BTBD1: variants seen among roughly 807,000 people sequenced by gnomAD.
BTBD1 encodes BTB/POZ domain-containing protein 1.
Under a neutral mutation model 48.0 loss-of-function variants are expected in BTBD1, and 34 were observed. The observed-to-expected ratio is 0.71, with a 90% confidence interval of 0.54 to 0.94. BTBD1 has a LOEUF of 0.94. Among genes scored for constraint, BTBD1 ranks in the 40% least tolerant of loss-of-function variants. The pLI, the probability that BTBD1 is intolerant of heterozygous loss-of-function variation, is 0.00. For synonymous variants in BTBD1, 261 were observed against 242.1 expected (o/e 1.08, Z -0.72); for missense variants, 543 against 625.6 (o/e 0.87, Z 1.41).
At chr15:83,054,563 CTTT>C (rs1178762435) in intron 2 of BTBD1, among the ~76,000 whole-genome samples, 5 of 130,414 alleles carry the variant, frequency 3.8e-5, no homozygotes, top group Non-Finnish European at 4.9e-5. Context: ...AACATTTTTT[CTTT>C]TTTTTTTTTT....
Position 83,061,479 on chromosome 15 carries a change from T to G in BTBD1, c.402-4934A>C, listed in dbSNP as rs112123989. 1.2e-3 allele frequency: 187 copies of G among 152,342 alleles called. 1 individual carries two copies. Among genetic ancestry groups the G allele is most frequent in the African/African-American group, 4.3e-3 (177 of 41,570 alleles). 9.4% of individuals were successfully genotyped at this position (152,342 alleles called of 1,614,324 possible). A position where few individuals can be genotyped will look rare whatever the true frequency, so the allele number is the denominator to read the frequency against. On this transcript the variant is annotated intron_variant, in intron 1 of 7. Transcript: ENST00000261721. ...ATCATACTTTCTTGTGTTCATGTCC[T>G]TACATAGATCTGTCCCATGATGAAT...
intron 5 of BTBD1, 66 bp from the exon 6 acceptor site, chr15:83,020,828 AT>A (rs1376615422): frequency 9.4e-5 from 98 of 1,041,908 alleles, no homozygotes; most frequent in East Asian, 1.5e-4. Flanking sequence ...AAGGGTTATA[AT>A]TTTTTTTAAG....
chr15:83,067,212 C>T lies in BTBD1; in HGVS notation c.-61G>A, dbSNP rs2033302312. On this transcript the variant is annotated 5_prime_UTR_variant, in exon 1 of 8. Coordinates refer to ENST00000261721, the MANE Select transcript of BTBD1 (RefSeq NM_025238.4). ...ACTCCGCCGCCATCGCCCAGGCCGC[C>T]TCCGGAGGCCGGCGCTGCCTCCCTG... 6.0e-6 allele frequency: 8 copies of T among 1,329,776 alleles called. No individual in the cohort carries two copies. Among genetic ancestry groups the T allele is most frequent in the Non-Finnish European group, 7.7e-6 (8 of 1,040,224 alleles). 82.4% of individuals were successfully genotyped at this position (1,329,776 alleles called of 1,614,324 possible). A position where few individuals can be genotyped will look rare whatever the true frequency, so the allele number is the denominator to read the frequency against.
intron 4 of BTBD1, among the ~76,000 whole-genome samples, chr15:83,032,337 C>T (rs2032533626): frequency 6.6e-6 from 1 of 151,260 alleles, no homozygotes; most frequent in South Asian, 2.1e-4. Flanking sequence ...AAAAAAAGAA[C>T]TAAAATTAGA....
Position 83,067,179 on chromosome 15 carries a change from T to A in BTBD1, c.-28A>T, listed in dbSNP as rs771280447. ...TCCAGCTGCGCGGTTGCCCACGTTA[T>A]GGACAAAACTCCGCCGCCATCGCCC... On this transcript the variant is annotated 5_prime_UTR_variant, in exon 1 of 8. Transcript: ENST00000261721. 1.4e-6 allele frequency: 2 copies of A among 1,380,156 alleles called. No individual in the cohort carries two copies. Among genetic ancestry groups the A allele is most frequent in the East Asian group, 5.7e-5 (2 of 34,966 alleles). 85.5% of individuals were successfully genotyped at this position (1,380,156 alleles called of 1,614,324 possible).
chr15:83,019,157 T>C lies in BTBD1; in HGVS notation c.1144-304A>G, dbSNP rs149642955. ...TCACTGAAACCTCCACTTCCCAAGC[T>C]GAAGCAATTTTCGTGCCTCAGCCTC... On this transcript the variant is annotated intron_variant, in intron 6 of 7. Coordinates refer to ENST00000261721, the MANE Select transcript of BTBD1 (RefSeq NM_025238.4). 5.6e-3 allele frequency among the ~76,000 whole-genome samples: 847 copies of C among 152,128 alleles called. 4 individuals are homozygous for C. The highest frequency in any genetic ancestry group is 0.01 in the Middle Eastern group (3 of 294).
chr15:83,020,657 T>TG lies in BTBD1; in HGVS notation c.1143+17dup, dbSNP rs1770512460. The TG allele has an allele frequency of 3.4e-6, 5 of 1,470,204 alleles. No individual in the cohort carries two copies. The highest frequency in any genetic ancestry group is 4.7e-6 in the Non-Finnish European group (5 of 1,060,576). 91.1% of individuals were successfully genotyped at this position (1,470,204 alleles called of 1,614,324 possible). On this transcript the variant is annotated intron_variant, in intron 6 of 7. Coordinates refer to ENST00000261721, the MANE Select transcript of BTBD1 (RefSeq NM_025238.4). ...TGTGTTATTTCAAAATGATATATGGTGGGGGAGGAAACTGTACCTGTATAT... is the reference window on the plus strand; with the variant it reads ...TGTGTTATTTCAAAATGATATATGGTGGGGGGAGGAAACTGTACCTGTATAT...
intron 1 of BTBD1, among the ~76,000 whole-genome samples, chr15:83,058,202 G>A (rs183947717): frequency 5.6e-4 from 85 of 152,306 alleles, no homozygotes; most frequent in African/African-American, 1.5e-3. Flanking sequence ...CAGGAAAGGC[G>A]CTCCAGCTCC....
chr15:83,060,386 CT>C (rs2151314674), intron 1 of BTBD1, among the ~76,000 whole-genome samples: 1 of 150,558 alleles, frequency 6.6e-6, no homozygotes, highest in Non-Finnish European at 1.5e-5. Flanking sequence ...TATACAACCT[CT>C]AAGGACGAGA....
intron 3 of BTBD1, among the ~76,000 whole-genome samples, 194 bp downstream of exon 3, chr15:83,049,879 T>TAACAAATAAATTG (rs1166430032): frequency 2.0e-5 from 3 of 152,248 alleles, no homozygotes; most frequent in Admixed American, 6.5e-5. Flanking sequence ...TGATTTGAAA[T>TAACAAATAAATTG]CTTTTAACAG....
At chr15:83,057,069 A>G (rs2033099789) in intron 1 of BTBD1, among the ~76,000 whole-genome samples, 1 of 152,192 alleles carries the variant, frequency 6.6e-6, no homozygotes. Flanking sequence ...AGGGGAATGA[A>G]TAAAACCAGA....
chr15:83,055,885 TTATATG>T (rs1264451579), intron 2 of BTBD1, among the ~76,000 whole-genome samples: 5 of 152,188 alleles, frequency 3.3e-5, no homozygotes, highest in African/African-American at 4.8e-5. Context: ...AACACCCCAC[TTATATG>T]TATAAGGCTT....
In BTBD1 at chr15:83,030,309, A is replaced by G. The variant is rs745612106; in HGVS notation, c.882T>C (p.Ile294=). 1 of 1,614,000 alleles carries G rather than the reference A, an allele frequency of 6.2e-7. No individual in the cohort carries two copies. Among genetic ancestry groups the G allele is most frequent in the Non-Finnish European group, 8.5e-7 (1 of 1,179,932 alleles). Residue 294 remains isoleucine (I), a synonymous_variant, in exon 5 of 8, where the codon ATT becomes ATC. Transcript: ENST00000261721. ...EFAAGPAQSG[I]LSDREVVNLF... is the part of the protein sequence containing the mutation. ...GGTTTACCACTTCACGATCTGACAA[A>G]ATTCCAGATTGAGCAGGACCTGTGG...
intron 4 of BTBD1, among the ~76,000 whole-genome samples, chr15:83,032,058 C>T (rs1040615954): frequency 1.3e-5 from 2 of 152,160 alleles, no homozygotes; most frequent in African/African-American, 4.8e-5. Flanking sequence ...GGTGGTGGCT[C>T]ATGCCTGTAA....
At chr15:83,034,221 A>C (rs1231655019) in intron 4 of BTBD1, among the ~76,000 whole-genome samples, 1 of 152,210 alleles carries the variant, frequency 6.6e-6, no homozygotes, top group East Asian at 1.9e-4. Flanking sequence ...AATGAAGCTT[A>C]CAAGAGACAT....
rs61294242 is a variant in BTBD1 at position 83,042,348 on chromosome 15, TTATATATATATA to T, written c.665-435_665-424del. On this transcript the variant is annotated intron_variant, in intron 3 of 7. Transcript: ENST00000261721. ...ACGTGCCAGGTACTATTAGGCAATTTTATATATATATATATATATATATATATATGTATGTAT... is the reference window on the plus strand; with the variant it reads ...ACGTGCCAGGTACTATTAGGCAATTTTATATATATATATATATGTATGTAT... Among the ~76,000 whole-genome samples the T allele has an allele frequency of 1.1e-4, 12 of 109,880 alleles. 2 individuals carry two copies. The highest frequency in any genetic ancestry group is 7.6e-4 in the South Asian group (3 of 3,932). 72.1% of individuals were successfully genotyped at this position (109,880 alleles called of 152,430 possible).
At chr15:83,043,166 T>C (rs2032801003) in intron 3 of BTBD1, among the ~76,000 whole-genome samples, 1 of 151,872 alleles carries the variant, frequency 6.6e-6, no homozygotes, top group Non-Finnish European at 1.5e-5. Context: ...TAAAATAAAA[T>C]CGGGTGGTTT....
chr15:83,065,902 T>G (rs1333348467), intron 1 of BTBD1, among the ~76,000 whole-genome samples: 1 of 152,236 alleles, frequency 6.6e-6, no homozygotes, highest in African/African-American at 2.4e-5. Context: ...TGACCTTGTG[T>G]GTAGAAACAC....
intron 5 of BTBD1, among the ~76,000 whole-genome samples, chr15:83,025,818 G>A (rs985587877): frequency 1.3e-5 from 2 of 151,818 alleles, no homozygotes; most frequent in Non-Finnish European, 2.9e-5. Context: ...CACCCAGCCT[G>A]GAGTGCAGTG....
Sources: gnomAD v4.1 joint callset for allele counts (sites outside exome capture counted in the v4.1 genomes callset) on GRCh38, gnomAD v4.1.1 for gene constraint, MANE v1.5 for transcripts, NCBI Gene and HGNC (gene_info 2026-07-23, HGNC 2026-07-21) for gene names.